OXR1: variants seen among roughly 807,000 people sequenced by gnomAD.
The protein encoded by OXR1 is oxidation resistance protein 1.
OXR1 carries 41 observed loss-of-function variants against 104.6 expected under a neutral mutation model. The ratio of observed to expected loss-of-function variants is 0.39; its 90% CI spans 0.31 to 0.51. The LOEUF is 0.51. Ranked by LOEUF, OXR1 falls within the 20% of genes least tolerant of loss-of-function variation. OXR1 has a pLI of 0.77. For synonymous variants in OXR1, 348 were observed against 348.4 expected, an observed-to-expected ratio of 1.00 and a Z score of 0.01; for missense variants, 955 against 1,031.9, an observed-to-expected ratio of 0.93 and a Z score of 1.02.
intron 3 of OXR1, among the ~76,000 whole-genome samples, chr8:106,582,098 G>A (rs1326882705): frequency 1.4e-5 from 2 of 138,730 alleles, no homozygotes; most frequent in African/African-American, 5.4e-5. Flanking sequence ...CCAGTGACTA[G>A]TAAATTTTCT....
At chr8:106,347,160 A>G (rs1815526689) in intron 1 of OXR1, among the ~76,000 whole-genome samples, 1 of 152,264 alleles carries the variant, frequency 6.6e-6, no homozygotes, top group African/African-American at 2.4e-5. Flanking sequence ...CTCTAGGCTC[A>G]ATGAAAGGAC....
At chr8:106,350,165 C>T (rs966438916) in intron 1 of OXR1, among the ~76,000 whole-genome samples, 3 of 152,156 alleles carry the variant, frequency 2.0e-5, no homozygotes, top group African/African-American at 7.2e-5. Context: ...AAGAAGCTTA[C>T]AATCGCATTA....
chr8:106,358,276 T>C (rs1330954004), intron 1 of OXR1, among the ~76,000 whole-genome samples: 1 of 152,154 alleles, frequency 6.6e-6, no homozygotes, highest in Non-Finnish European at 1.5e-5. Context: ...CAGGTCGAGA[T>C]TTATTTGTAT....
At position 106,684,366 on chromosome 8, in the gene OXR1, A is replaced by G. The variant is rs764565606; in HGVS notation, c.525+7A>G. On this transcript the variant is annotated splice_region_variant and intron_variant, in intron 6 of 16. Coordinates refer to ENST00000517566, the MANE Select transcript of OXR1 (RefSeq NM_001198533.2). Reference sequence around the variant, plus strand: ...TGAATTTGATAAGACCACTGTAAGTATCTCTGCTTTGCAAAGATGGCGATG... The same window carrying G: ...TGAATTTGATAAGACCACTGTAAGTGTCTCTGCTTTGCAAAGATGGCGATG... 4 of 1,369,538 alleles carry G rather than the reference A, an allele frequency of 2.9e-6. No individual in the cohort carries two copies. Among genetic ancestry groups the G allele is most frequent in the Admixed American group, 1.7e-5 (1 of 58,976 alleles). The allele number at this position is 1,369,538 out of a possible 1,614,324, so 84.8% of individuals were successfully genotyped here. A position where few individuals can be genotyped will look rare whatever the true frequency, so the allele number is the denominator to read the frequency against.
At chr8:106,591,971 C>T (rs1397150273) in intron 3 of OXR1, among the ~76,000 whole-genome samples, 1 of 152,190 alleles carries the variant, frequency 6.6e-6, no homozygotes, top group African/African-American at 2.4e-5. Context: ...CTGCCCCCTG[C>T]TGCCTGATAC....
chr8:106,380,390 C>G (rs1252528930), intron 2 of OXR1, among the ~76,000 whole-genome samples: 1 of 152,104 alleles, frequency 6.6e-6, no homozygotes, highest in Non-Finnish European at 1.5e-5. Flanking sequence ...TTTGGGTTGT[C>G]TGTACATTTT....
intron 1 of OXR1, among the ~76,000 whole-genome samples, chr8:106,349,840 G>C (rs953730024): frequency 1.3e-5 from 2 of 152,136 alleles, no homozygotes; most frequent in Non-Finnish European, 2.9e-5. Context: ...GGTGCACTCA[G>C]GAAAATGCAA....
At chr8:106,565,420 G>A (rs532637562) in intron 3 of OXR1, among the ~76,000 whole-genome samples, 15 of 152,154 alleles carry the variant, frequency 9.9e-5, no homozygotes, top group African/African-American at 3.6e-4. Context: ...CAACTTAAAA[G>A]GGATGTGAAG....
chr8:106,319,293 T>G (rs1194857069), intron 1 of OXR1, among the ~76,000 whole-genome samples: 2 of 152,184 alleles, frequency 1.3e-5, no homozygotes, highest in Non-Finnish European at 2.9e-5. Context: ...CTTCCCTCTT[T>G]GCCGCAGAGC....
At chr8:106,749,373 C>T (rs1835686445) in intron 16 of OXR1, among the ~76,000 whole-genome samples, 2 of 151,688 alleles carry the variant, frequency 1.3e-5, no homozygotes, top group South Asian at 2.1e-4. Context: ...GTCAGTTCCT[C>T]TCCCACACAA....
At chr8:106,334,068 T>A (rs1404988978) in intron 1 of OXR1, among the ~76,000 whole-genome samples, 1 of 152,214 alleles carries the variant, frequency 6.6e-6, no homozygotes, top group Non-Finnish European at 1.5e-5. Flanking sequence ...GATTACCATC[T>A]TCACAACATT....
chr8:106,289,975 C>G (rs928964782), intron 1 of OXR1, among the ~76,000 whole-genome samples: 4 of 152,136 alleles, frequency 2.6e-5, no homozygotes, highest in African/African-American at 9.7e-5. Context: ...GTTTGCTTCC[C>G]CTTCCACCAT....
intron 3 of OXR1, among the ~76,000 whole-genome samples, chr8:106,621,016 A>C (rs566845187): frequency 6.6e-6 from 1 of 152,336 alleles, no homozygotes; most frequent in South Asian, 2.1e-4. Context: ...TTATCATTGG[A>C]AATGATGATA....
At chr8:106,618,765 C>T (rs1167496693) in intron 3 of OXR1, among the ~76,000 whole-genome samples, 2 of 152,290 alleles carry the variant, frequency 1.3e-5, no homozygotes, top group East Asian at 3.9e-4. Context: ...CTCTCCAAAC[C>T]ATCCCCTTAA....
intron 3 of OXR1, among the ~76,000 whole-genome samples, chr8:106,577,761 A>G (rs1002359708): frequency 8.6e-5 from 13 of 152,024 alleles, no homozygotes; most frequent in African/African-American, 3.1e-4. Context: ...CTGCTTTGCC[A>G]GCAGCCACCT....
chr8:106,443,846 G>A (rs542530749), intron 2 of OXR1, among the ~76,000 whole-genome samples: 2 of 151,996 alleles, frequency 1.3e-5, no homozygotes, highest in Admixed American at 6.6e-5. Flanking sequence ...GACAAATGGG[G>A]TCTCATTAAG....
At chr8:106,750,289 G>T (rs1200589550) in intron 16 of OXR1, among the ~76,000 whole-genome samples, 11 of 147,658 alleles carry the variant, frequency 7.4e-5, no homozygotes, top group Non-Finnish European at 1.5e-4. Context: ...TTCCTGGTCT[G>T]TATCATAAAT....
At chr8:106,587,654 G>A (rs550802690) in intron 3 of OXR1, among the ~76,000 whole-genome samples, 2 of 152,286 alleles carry the variant, frequency 1.3e-5, no homozygotes, top group East Asian at 3.9e-4. Flanking sequence ...TGGTTGAGGC[G>A]TGCTCACACC....
chr8:106,300,459 A>T (rs1251674285), intron 1 of OXR1, among the ~76,000 whole-genome samples: 3 of 151,894 alleles, frequency 2.0e-5, no homozygotes, highest in African/African-American at 7.3e-5. Context: ...TAACTTTCTC[A>T]TGTTGATTTC....
Sources: allele counts gnomAD v4.1 joint callset (sites outside exome capture counted in the v4.1 genomes callset), GRCh38; gene constraint gnomAD v4.1.1; transcripts MANE v1.5; gene names NCBI Gene and HGNC (gene_info 2026-07-23, HGNC 2026-07-21).